Variants in FNBP1L observed in about 807,000 individuals in gnomAD.
FNBP1L encodes formin binding protein 1 like, also known as formin-binding protein 1-like.
FNBP1L carries 36 observed loss-of-function variants against 91.2 expected under a neutral mutation model. The observed-to-expected ratio is 0.39, with a 90% CI of 0.30 to 0.52. The LOEUF (loss-of-function observed/expected upper bound fraction) is 0.52. Among genes scored for constraint, FNBP1L ranks in the 20% least tolerant of loss-of-function variants. The pLI is 0.66. For missense variants in FNBP1L, 571 were observed against 732.1 expected (o/e 0.78, Z 2.54); for synonymous variants, 242 against 237.0 (o/e 1.02, Z -0.19).
At chr1:93,503,953 T>G (rs1251457604) in intron 2 of FNBP1L, among the ~76,000 whole-genome samples, 1 of 152,104 alleles carries the variant, frequency 6.6e-6, no homozygotes, top group Non-Finnish European at 1.5e-5. Flanking sequence ...CATACATAAA[T>G]TTTTGGTTCA....
At chr1:93,531,323 A>G (rs1426319) in intron 7 of FNBP1L, among the ~76,000 whole-genome samples, 1 of 152,198 alleles carries the variant, frequency 6.6e-6, no homozygotes, top group South Asian at 2.1e-4. Context: ...TGGCTCTGTT[A>G]GATGATAAAT....
chr1:93,514,559 C>T (rs1023918907), intron 2 of FNBP1L, among the ~76,000 whole-genome samples: 3 of 152,136 alleles, frequency 2.0e-5, no homozygotes, highest in African/African-American at 7.2e-5. Context: ...GGTACTGGTA[C>T]CAACACAGAG....
At chr1:93,510,768 A>G (rs768822250) in intron 2 of FNBP1L, among the ~76,000 whole-genome samples, 1 of 152,186 alleles carries the variant, frequency 6.6e-6, no homozygotes, top group Non-Finnish European at 1.5e-5. Flanking sequence ...AAAGGAGCTG[A>G]TGGAGCTGAA....
At chr1:93,549,454 T>TA (rs776588598) in intron 15 of FNBP1L, 28 bp downstream of exon 15, 18 of 1,502,464 alleles carry the variant, frequency 1.2e-5, no homozygotes, top group East Asian at 9.8e-5. Context: ...ATATTGTATG[T>TA]AAAAAAATTG....
At chr1:93,544,500 T>C (rs917734312) in intron 12 of FNBP1L, among the ~76,000 whole-genome samples, 2 of 152,176 alleles carry the variant, frequency 1.3e-5, no homozygotes, top group African/African-American at 4.8e-5. Context: ...CACTACCTCT[T>C]ATACTTTGAT....
intron 1 of FNBP1L, among the ~76,000 whole-genome samples, chr1:93,489,271 A>G (rs1461517054): frequency 6.6e-6 from 1 of 152,068 alleles, no homozygotes; most frequent in Non-Finnish European, 1.5e-5. Context: ...ATAAAGGTGG[A>G]TATGACGACA....
At chr1:93,448,786 G>GGGCGTCGCCCGTCTGGGGC (rs1441525242) in intron 1 of FNBP1L, among the ~76,000 whole-genome samples, 2 of 152,176 alleles carry the variant, frequency 1.3e-5, no homozygotes, top group African/African-American at 4.8e-5. Flanking sequence ...CGCGGGGCTA[G>GGGCGTCGCCCGTCTGGGGC]GGCGTCGCCC....
At chr1:93,475,490 G>A (rs1669461719) in intron 1 of FNBP1L, among the ~76,000 whole-genome samples, 1 of 152,116 alleles carries the variant, frequency 6.6e-6, no homozygotes, top group African/African-American at 2.4e-5. Flanking sequence ...AGTGAGCTGT[G>A]GTTGTGCCAC....
At chr1:93,524,458 A>G (rs997950214) in intron 5 of FNBP1L, 135 bp downstream of exon 5, 2 of 581,426 alleles carry the variant, frequency 3.4e-6, no homozygotes, top group East Asian at 3.4e-5. Context: ...GTATTATTGT[A>G]TAATAGTCAA....
At chr1:93,516,290 A>T (rs1238340439) in intron 2 of FNBP1L, among the ~76,000 whole-genome samples, 1 of 152,152 alleles carries the variant, frequency 6.6e-6, no homozygotes, top group Non-Finnish European at 1.5e-5. Flanking sequence ...GGGCACCCGG[A>T]TTTGAACCGG....
chr1:93,542,311 G>A (rs749239380), intron 11 of FNBP1L, among the ~76,000 whole-genome samples: 13 of 151,968 alleles, frequency 8.6e-5, no homozygotes, highest in Non-Finnish European at 1.3e-4. Flanking sequence ...CTCCAAAGTA[G>A]ATTAAATATG....
At chr1:93,528,344 A>G (rs575616223) in intron 5 of FNBP1L, among the ~76,000 whole-genome samples, 8 of 152,268 alleles carry the variant, frequency 5.3e-5, no homozygotes, top group African/African-American at 1.9e-4. Context: ...GGTTTATACA[A>G]TGGGTCAGGA....
At chr1:93,464,419 A>G (rs1488408838) in intron 1 of FNBP1L, among the ~76,000 whole-genome samples, 2 of 152,176 alleles carry the variant, frequency 1.3e-5, no homozygotes, top group African/African-American at 4.8e-5. Flanking sequence ...CTATGTTTCT[A>G]TCATATGTCT....
chr1:93,515,682 G>C (rs1368392470), intron 2 of FNBP1L, among the ~76,000 whole-genome samples: 1 of 148,236 alleles, frequency 6.7e-6, no homozygotes, highest in Non-Finnish European at 1.5e-5. Flanking sequence ...ACCAAACACC[G>C]CATATTCTCC....
At chr1:93,515,591 A>G (rs933084606) in intron 2 of FNBP1L, among the ~76,000 whole-genome samples, 2 of 152,114 alleles carry the variant, frequency 1.3e-5, no homozygotes, top group African/African-American at 4.8e-5. Context: ...AGCCATAAAA[A>G]ATGATGAGTT....
chr1:93,510,646 G>T (rs1417154268), intron 2 of FNBP1L, among the ~76,000 whole-genome samples: 1 of 152,088 alleles, frequency 6.6e-6, no homozygotes, highest in African/African-American at 2.4e-5. Context: ...TTCAGATGAT[G>T]AAATTACTCC....
At chr1:93,551,127 C>T (rs570256993) in intron 16 of FNBP1L, 22 bp downstream of exon 16, 3 of 1,583,378 alleles carry the variant, frequency 1.9e-6, no homozygotes, top group South Asian at 1.2e-5. Context: ...TATATCTAAA[C>T]TAACCAGGCA....
rs532945948 is a variant in FNBP1L, at chr1:93,469,202, A to G, written c.24+20897A>G. 1.5e-4 allele frequency among the ~76,000 whole-genome samples: 23 copies of G among 152,118 alleles called. No individual in the cohort carries two copies. The South Asian group carries it at 4.8e-3, about 32-fold the overall frequency. On this transcript the variant is annotated intron_variant, in intron 1 of 16. Transcript: ENST00000271234. ...CTGCACCCATCAACTTGTCATTTAC[A>G]TTAGATATTTCTCCTAACATTATTC...
rs1671190891 is a variant in FNBP1L, at chr1:93,518,003, G to T, written c.141-4079G>T. On this transcript the variant is annotated intron_variant, in intron 2 of 16. Coordinates refer to ENST00000271234, the MANE Select transcript of FNBP1L (RefSeq NM_001164473.3). ...ATATAAAGAGTTTAGCATTAAGATT[G>T]GCAAGTAATACATGGATGACAAATG... Among the ~76,000 whole-genome samples, 7 of 152,084 alleles carry T rather than the reference G, an allele frequency of 4.6e-5. No individual in the cohort carries two copies. In the South Asian group the frequency reaches 1.4e-3, roughly 31 times the overall value.
Sources: allele counts gnomAD v4.1 joint callset (sites outside exome capture counted in the v4.1 genomes callset), GRCh38; gene constraint gnomAD v4.1.1; transcripts MANE v1.5; gene names NCBI Gene and HGNC (gene_info 2026-07-23, HGNC 2026-07-21).